NPHP4: variants seen among roughly 807,000 people sequenced by gnomAD.
The protein encoded by NPHP4 is nephrocystin-4.
In NPHP4, 151 loss-of-function variants were observed where a neutral mutation model predicts 155.8. The ratio of observed to expected loss-of-function variants is 0.97; its 90% confidence interval spans 0.85 to 1.11. The LOEUF (loss-of-function observed/expected upper bound fraction) is 1.11. Ranked by LOEUF, NPHP4 falls within the 50% of genes least tolerant of loss-of-function variation. NPHP4 has a pLI of 0.00. For missense variants in NPHP4, 1,956 were observed against 1,925.7 expected (o/e 1.02, Z -0.29); for synonymous variants, 845 against 816.8 (o/e 1.03, Z -0.59).
rs1308330869 is a variant in NPHP4 at position 5,867,919 on chromosome 1, G to A, written c.3316-23C>T. On this transcript the variant is annotated intron_variant, in intron 23 of 29. Transcript: ENST00000378156. This position sits in a 1 kb window ranked among gnomAD's most constrained non-coding sequence, Gnocchi z 4.1. ...GACCTGTGAGGAGGCCACGCTGAGTGTTGGGATGGGCACGAGGCTTGTGAG... is the reference window on the plus strand; with the variant it reads ...GACCTGTGAGGAGGCCACGCTGAGTATTGGGATGGGCACGAGGCTTGTGAG... The A allele has an allele frequency of 6.2e-7, 1 of 1,613,822 alleles. No individual in the cohort carries two copies. The highest frequency in any genetic ancestry group is 8.5e-7 in the Non-Finnish European group (1 of 1,179,712).
Position 5,905,226 on chromosome 1 carries a change from G to T in NPHP4, c.1955+66C>A. The T allele has an allele frequency of 7.6e-7, 1 of 1,317,698 alleles. No individual in the cohort carries two copies. The highest frequency in any genetic ancestry group is 1.1e-6 in the Non-Finnish European group (1 of 910,202). 81.6% of individuals were successfully genotyped at this position (1,317,698 alleles called of 1,614,324 possible). On this transcript the variant is annotated intron_variant, in intron 15 of 29. Transcript: ENST00000378156. The surrounding 1 kb of genome is among the most constrained non-coding windows in gnomAD (Gnocchi z 4.0). ...ACAGTTCTGCCAGGTCAGAACCTCAGCGAAGTTTCTCTTCAACACAGGAAA... is the reference window on the plus strand; with the variant it reads ...ACAGTTCTGCCAGGTCAGAACCTCATCGAAGTTTCTCTTCAACACAGGAAA...
At chr1:5,879,140 G>A (rs114586237) in intron 19 of NPHP4, among the ~76,000 whole-genome samples, 5,494 of 152,168 alleles carry the variant, frequency 0.036, 331 homozygotes, top group African/African-American at 0.13. Flanking sequence ...CTTGCAGGAG[G>A]GAACCCAACG....
At position 5,978,135 on chromosome 1, in the gene NPHP4, T is replaced by C. The variant is rs1654020589; in HGVS notation, c.279+135A>G. The C allele has an allele frequency of 5.2e-6, 4 of 776,654 alleles. No individual in the cohort carries two copies. In the East Asian group the frequency reaches 1.1e-4, roughly 21 times the overall value. 48.1% of individuals were successfully genotyped at this position (776,654 alleles called of 1,614,324 possible). ...GCGCTTGCCGCTAGACTAAGCTCTG[T>C]GCTGCCTGGACCCACAAGTCTGAGA... is the stretch of plus-strand genomic sequence containing the variant. On this transcript the variant is annotated intron_variant, in intron 3 of 29. Transcript: ENST00000378156.
intron 9 of NPHP4, among the ~76,000 whole-genome samples, chr1:5,945,911 C>A (rs998000184): frequency 2.4e-4 from 37 of 152,114 alleles, no homozygotes; most frequent in African/African-American, 8.7e-4. Flanking sequence ...TGTCCCCCCC[C>A]AGGGCGTGAA....
intron 3 of NPHP4, among the ~76,000 whole-genome samples, chr1:5,971,327 C>T (rs1652520807): frequency 6.6e-6 from 1 of 152,198 alleles, no homozygotes; most frequent in African/African-American, 2.4e-5. Flanking sequence ...TCTAAAGAAT[C>T]CATCTTTAAT....
At position 5,905,626 on chromosome 1, in the gene NPHP4, C is replaced by A. The variant is rs1298760244; in HGVS notation, c.1763+6G>T. ...TGGTTCCATCCCACCCAGACCCACA[C>A]CTCACCTCCTGGTCTGGGTTCCCAC... On this transcript the variant is annotated splice_donor_region_variant and intron_variant, in intron 14 of 29. Coordinates refer to ENST00000378156, the MANE Select transcript of NPHP4 (RefSeq NM_015102.5). The surrounding 1 kb of genome is among the most constrained non-coding windows in gnomAD (Gnocchi z 4.0). 6 of 1,613,826 alleles carry A rather than the reference C, an allele frequency of 3.7e-6. No individual in the cohort carries two copies. Among genetic ancestry groups the A allele is most frequent in the Middle Eastern group, 3.3e-4 (2 of 6,050 alleles).
chr1:5,954,486 A>G (rs1648806556), intron 6 of NPHP4, among the ~76,000 whole-genome samples: 1 of 152,226 alleles, frequency 6.6e-6, no homozygotes, highest in Non-Finnish European at 1.5e-5. Context: ...TCCCCATCAC[A>G]AACTCACATT....
At chr1:5,959,187 C>T (rs1464339816) in intron 6 of NPHP4, among the ~76,000 whole-genome samples, 1 of 152,156 alleles carries the variant, frequency 6.6e-6, no homozygotes, top group Admixed American at 6.5e-5. Flanking sequence ...AGATCCCCTG[C>T]TCACTCGATT....
At chr1:5,941,011 C>A (rs1368371948) in intron 9 of NPHP4, among the ~76,000 whole-genome samples, 3 of 152,006 alleles carry the variant, frequency 2.0e-5, no homozygotes, top group African/African-American at 7.2e-5. Context: ...AAAAGAAGAA[C>A]CATAAAGCTG....
chr1:5,876,923 T>C, intron 20 of NPHP4, 170 bp downstream of exon 20: 1 of 443,730 alleles, frequency 2.3e-6, no homozygotes, highest in Non-Finnish European at 3.9e-6. Flanking sequence ...CAGATAATTC[T>C]CACTTAAAGA....
chr1:5,924,802 A>C (rs1209490018), intron 11 of NPHP4, among the ~76,000 whole-genome samples: 2 of 152,036 alleles, frequency 1.3e-5, no homozygotes. Flanking sequence ...CTAAAGGTGC[A>C]CACCACCGCG....
chr1:5,947,883 AG>A (rs942084130), intron 8 of NPHP4, among the ~76,000 whole-genome samples, 186 bp downstream of exon 8: 1 of 148,938 alleles, frequency 6.7e-6, no homozygotes, highest in South Asian at 2.1e-4. Flanking sequence ...GGAAAAAAAA[AG>A]GGGGGGGCTT....
chr1:5,909,456 C>T (rs1003897675), intron 11 of NPHP4, among the ~76,000 whole-genome samples: 1 of 152,172 alleles, frequency 6.6e-6, no homozygotes, highest in Non-Finnish European at 1.5e-5. Flanking sequence ...GCCTCGTCCT[C>T]ACTGTTCTTC....
intron 2 of NPHP4, among the ~76,000 whole-genome samples, chr1:5,982,726 T>C (rs1185362107): frequency 6.6e-6 from 1 of 152,258 alleles, no homozygotes. Flanking sequence ...AGTTATATCC[T>C]ATAAATCTGT....
intron 10 of NPHP4, among the ~76,000 whole-genome samples, chr1:5,932,036 G>A (rs1039151655): frequency 4.0e-5 from 6 of 151,802 alleles, no homozygotes; most frequent in Admixed American, 2.0e-4. Context: ...ATCGTGCCAC[G>A]CACTCCAGCC....
chr1:5,878,405 G>C (rs1384964184), intron 19 of NPHP4, among the ~76,000 whole-genome samples: 6 of 152,254 alleles, frequency 3.9e-5, no homozygotes. Context: ...AGCCACGGCT[G>C]TGAGTGGAGG....
Position 5,874,971 on chromosome 1 carries a change from C to CCAGGCTCGCTGCACTGATGCGCAGA in NPHP4, c.2946_2947insTCTGCGCATCAGTGCAGCGAGCCTG (p.Ala983SerfsTer18), listed in dbSNP as rs1642424270. The CCAGGCTCGCTGCACTGATGCGCAGA allele has an allele frequency of 6.2e-7, 1 of 1,613,006 alleles. No individual in the cohort carries two copies. The highest frequency in any genetic ancestry group is 1.3e-5 in the African/African-American group (1 of 74,932). ...AAGAACTCGGCGACCCCCAGCGTGG[C>CCAGGCTCGCTGCACTGATGCGCAGA]GTGGAGCGTGTGCTCCGTGGTGATG... On this transcript the variant is annotated frameshift_variant, in exon 21 of 30. Transcript: ENST00000378156. LOFTEE classifies it high-confidence loss of function.
intron 5 of NPHP4, among the ~76,000 whole-genome samples, chr1:5,964,933 A>ATTT (rs1327414741): frequency 3.4e-4 from 8 of 23,780 alleles, no homozygotes; most frequent in African/African-American, 1.2e-3. Context: ...ATATATATAT[A>ATTT]TATATATATT....
At chr1:5,908,293 G>A (rs1029245814) in intron 12 of NPHP4, among the ~76,000 whole-genome samples, 6 of 152,220 alleles carry the variant, frequency 3.9e-5, no homozygotes, top group Admixed American at 2.6e-4. Context: ...CTGGGAGGCC[G>A]TCCACAGACT....
Sources: allele counts gnomAD v4.1 joint callset (sites outside exome capture counted in the v4.1 genomes callset), GRCh38; gene constraint gnomAD v4.1.1; non-coding constraint Gnocchi (gnomAD v3.1); transcripts MANE v1.5; gene names NCBI Gene and HGNC (gene_info 2026-07-23, HGNC 2026-07-21).